ARSF: variants seen among roughly 807,000 people sequenced by gnomAD.
ARSF encodes the protein arylsulfatase F.
In ARSF, 33 loss-of-function variants were observed where a neutral mutation model predicts 35.4. The observed-to-expected ratio is 0.93, with a 90% CI of 0.71 to 1.25. ARSF has a LOEUF of 1.25. ARSF is among the 50% of genes most tolerant of loss of function. The pLI is 0.00. For missense variants in ARSF, 501 were observed against 480.2 expected (o/e 1.04, Z -0.40); for synonymous variants, 222 against 193.1 (o/e 1.15, Z -1.24).
chrX:3,084,197 A>G (rs1317952580), intron 5 of ARSF, 46 bp from the exon 6 acceptor site: 1 of 1,177,738 alleles, frequency 8.5e-7, no homozygotes, highest in Admixed American at 2.2e-5. Flanking sequence ...GTGCTGGCAT[A>G]TGTTGACATA....
intron 10 of ARSF, among the ~76,000 whole-genome samples, chrX:3,111,307 C>A (rs5939452): frequency 0.12 from 13,075 of 111,075 alleles, 724 homozygotes; most frequent in African/African-American, 0.22. Flanking sequence ...GAGTTTATGA[C>A]CCAGAAATTG....
intron 4 of ARSF, among the ~76,000 whole-genome samples, chrX:3,077,133 T>C (rs967643898): frequency 8.9e-6 from 1 of 112,133 alleles, no homozygotes; most frequent in African/African-American, 3.2e-5. Flanking sequence ...CACATCAAAA[T>C]GGCTGCGCTT....
intron 3 of ARSF, among the ~76,000 whole-genome samples, chrX:3,075,917 C>G (rs895092241): frequency 1.9e-5 from 2 of 107,305 alleles, no homozygotes; most frequent in African/African-American, 6.8e-5. Context: ...CTCTCTGTGT[C>G]TCTTTCTCTC....
intron 1 of ARSF, among the ~76,000 whole-genome samples, chrX:3,047,459 C>T (rs1211816996): frequency 2.2e-5 from 2 of 90,927 alleles, no homozygotes; most frequent in Non-Finnish European, 4.3e-5. Context: ...GGATTACAGG[C>T]GTGATCCACT....
At chrX:3,088,408 A>G (rs982612628) in intron 6 of ARSF, among the ~76,000 whole-genome samples, 3 of 111,648 alleles carry the variant, frequency 2.7e-5, no homozygotes, top group Non-Finnish European at 3.8e-5. Flanking sequence ...GCATCTGAGA[A>G]TCAAAGGAAC....
intron 9 of ARSF, among the ~76,000 whole-genome samples, chrX:3,109,580 C>A (rs2090430940): frequency 1.8e-5 from 2 of 110,574 alleles, no homozygotes; most frequent in African/African-American, 6.6e-5. Context: ...TTCAACCCTT[C>A]CCTCCTCCCT....
intron 1 of ARSF, among the ~76,000 whole-genome samples, chrX:3,063,290 T>C (rs928839576): frequency 6.3e-5 from 7 of 111,513 alleles, no homozygotes; most frequent in African/African-American, 2.0e-4. Flanking sequence ...AACTAGGTAT[T>C]GATGGGACGT....
Position 3,112,235 on chromosome X carries a change from C to T in ARSF, c.1452C>T (p.Gly484=). 1 of 1,210,837 alleles carries T rather than the reference C, an allele frequency of 8.3e-7. No individual in the cohort carries two copies. Among genetic ancestry groups the T allele is most frequent in the Non-Finnish European group, 1.1e-6 (1 of 895,095 alleles). The change falls in exon 11 of 11, where the codon GGC becomes GGT. Residue 484 remains glycine, a synonymous_variant. Coordinates refer to ENST00000381127, the MANE Select transcript of ARSF (RefSeq NM_001201539.2). ...TPVFQPPASG[G]CYVTSLCRCF... Reference sequence around the variant, plus strand: ...TATTCCAGCCACCAGCTTCTGGTGGCTGCTATGTCACCTCATTATGCAGAT... The same window carrying T: ...TATTCCAGCCACCAGCTTCTGGTGGTTGCTATGTCACCTCATTATGCAGAT...
intron 3 of ARSF, among the ~76,000 whole-genome samples, 176 bp from the exon 4 acceptor site, chrX:3,076,370 GTC>G (rs755837854): frequency 3.7e-5 from 4 of 107,016 alleles, no homozygotes; most frequent in African/African-American, 1.0e-4. Flanking sequence ...CTTTCTGTCT[GTC>G]TCTCTCTCTG....
chrX:3,075,498 A>G (rs867281926), intron 3 of ARSF, among the ~76,000 whole-genome samples: 1 of 83,815 alleles, frequency 1.2e-5, no homozygotes, highest in Non-Finnish European at 2.3e-5. Context: ...GTCTCTTTCT[A>G]TCTCTCTCTC....
At chrX:3,106,501 T>G (rs932296045) in intron 9 of ARSF, among the ~76,000 whole-genome samples, 4 of 111,858 alleles carry the variant, frequency 3.6e-5, no homozygotes, top group African/African-American at 1.3e-4. Flanking sequence ...CATGAGGGCC[T>G]GTGGATACCT....
intron 1 of ARSF, among the ~76,000 whole-genome samples, chrX:3,042,021 T>C (rs1230740156): frequency 1.8e-5 from 2 of 112,220 alleles, no homozygotes; most frequent in African/African-American, 6.5e-5. Context: ...TGACAGATAT[T>C]ATAAGGTGTC....
chrX:3,073,171 C>T (rs2090118408), intron 3 of ARSF, among the ~76,000 whole-genome samples: 1 of 95,280 alleles, frequency 1.0e-5, no homozygotes, highest in African/African-American at 3.8e-5. Context: ...AATATATCTT[C>T]ATACATATTG....
chrX:3,058,331 G>T (rs1763977948), intron 1 of ARSF: 2 of 123,362 alleles, frequency 1.6e-5, no homozygotes, highest in African/African-American at 6.5e-5. Context: ...GTGACTTAGG[G>T]TGGTTCACCA....
chrX:3,089,428 C>T, intron 6 of ARSF, 68 bp from the exon 7 acceptor site: 2 of 1,146,911 alleles, frequency 1.7e-6, no homozygotes, highest in East Asian at 6.1e-5. Flanking sequence ...CTATGAGAAG[C>T]CAAAACAATA....
At chrX:3,081,161 T>C in intron 5 of ARSF, 148 bp downstream of exon 5, 1 of 813,985 alleles carries the variant, frequency 1.2e-6, no homozygotes. Flanking sequence ...CCCAGTACTT[T>C]GGGAGGCCAA....
At chrX:3,057,933 T>G (rs1017450667) in intron 1 of ARSF, among the ~76,000 whole-genome samples, 6 of 111,748 alleles carry the variant, frequency 5.4e-5, no homozygotes, top group Non-Finnish European at 9.4e-5. Flanking sequence ...GTCAGACACA[T>G]GCACCTTACC....
At chrX:3,107,135 C>T (rs1321127049) in intron 9 of ARSF, among the ~76,000 whole-genome samples, 2 of 111,666 alleles carry the variant, frequency 1.8e-5, no homozygotes, top group Non-Finnish European at 3.8e-5. Flanking sequence ...TCAGTACAAA[C>T]AAGACCGTCC....
At chrX:3,067,202 T>C (rs756952380) in intron 1 of ARSF, among the ~76,000 whole-genome samples, 2 of 109,390 alleles carry the variant, frequency 1.8e-5, no homozygotes, top group East Asian at 5.8e-4. Context: ...GTCCAGAGTA[T>C]ACATGCTTTG....
Sources: gnomAD v4.1 joint callset for allele counts (sites outside exome capture counted in the v4.1 genomes callset) on GRCh38, gnomAD v4.1.1 for gene constraint, MANE v1.5 for transcripts, NCBI Gene and HGNC (gene_info 2026-07-23, HGNC 2026-07-21) for gene names.